The following HSPG2 variants were observed in gnomAD, a reference collection of about 807,000 sequenced individuals.
HSPG2 encodes the protein basement membrane-specific heparan sulfate proteoglycan core protein.
Under a neutral mutation model 526.6 loss-of-function variants are expected in HSPG2, and 278 were observed. The ratio of observed to expected loss-of-function variants is 0.53; its 90% CI spans 0.48 to 0.58. HSPG2 has a LOEUF of 0.58. HSPG2 is among the 20% of genes least tolerant of loss of function. The pLI is 0.00. For synonymous variants in HSPG2, 2,465 were observed against 2,555.4 expected, an observed-to-expected ratio of 0.96 and a Z score of 1.07; for missense variants, 5,354 against 6,099.5, an observed-to-expected ratio of 0.88 and a Z score of 4.07.
chr1:21,889,755 T>G, intron 6 of HSPG2: 1 of 599,094 alleles, frequency 1.7e-6, no homozygotes, highest in Non-Finnish European at 3.1e-6. Flanking sequence ...TGTGCAGAGG[T>G]CTAGAAGGAA....
Position 21,900,381 on chromosome 1 carries a change from G to A in HSPG2, c.64-4071C>T, listed in dbSNP as rs534758072. ...AGTGGGCAGGCATTCCTTGAACACT[G>A]GCAGGACTGTGGGCGAGGGCTTCTG... is the stretch of plus-strand genomic sequence containing the variant. On this transcript the variant is annotated intron_variant, in intron 1 of 96. Coordinates refer to ENST00000374695, the MANE Select transcript of HSPG2 (RefSeq NM_005529.7). Among the ~76,000 whole-genome samples the A allele has an allele frequency of 5.3e-5, 8 of 152,294 alleles. No individual in the cohort carries two copies. In the South Asian group the frequency reaches 1.7e-3, roughly 32 times the overall value.
In HSPG2 at chr1:21,864,789, C is replaced by T; in HGVS notation, c.4626+54G>A. ...GGCTGCGGCGACGCCGGCTGATTTG[C>T]TTGCTGATGCCTCTGTGCCTGTGCA... is the stretch of plus-strand genomic sequence containing the variant. On this transcript the variant is annotated intron_variant, in intron 36 of 96. Transcript: ENST00000374695. The surrounding 1 kb of genome is among the most constrained non-coding windows in gnomAD (Gnocchi z 4.8). 2.0e-6 allele frequency: 3 copies of T among 1,474,304 alleles called. No individual in the cohort carries two copies. Among genetic ancestry groups the T allele is most frequent in the Non-Finnish European group, 2.8e-6 (3 of 1,069,950 alleles). The allele number at this position is 1,474,304 out of a possible 1,614,324, so 91.3% of individuals were successfully genotyped here.
chr1:21,866,453 G>T (rs1213898966), intron 33 of HSPG2, among the ~76,000 whole-genome samples: 1 of 152,272 alleles, frequency 6.6e-6, no homozygotes, highest in South Asian at 2.1e-4. Context: ...CAAGTAACCC[G>T]TGCACTTATG....
intron 76 of HSPG2, 149 bp downstream of exon 76, chr1:21,835,391 C>T: frequency 2.9e-6 from 2 of 689,726 alleles, no homozygotes; most frequent in Non-Finnish European, 5.3e-6. Context: ...TTACTCTATG[C>T]TAGACACAAG....
chr1:21,837,216 G>A (rs139822035), intron 74 of HSPG2, among the ~76,000 whole-genome samples: 3 of 152,326 alleles, frequency 2.0e-5, no homozygotes, highest in South Asian at 2.1e-4. Context: ...CCTGTGGAGC[G>A]CTGGGCTCTG....
At chr1:21,913,689 C>G (rs1396692532) in intron 1 of HSPG2, among the ~76,000 whole-genome samples, 10 of 152,232 alleles carry the variant, frequency 6.6e-5, no homozygotes, top group African/African-American at 2.4e-4. Context: ...GTGTGCTGGG[C>G]ACAGGGAAGG....
rs769350557 is a variant in HSPG2, at chr1:21,890,586, G to A, written c.353C>T (p.Thr118Met). ...FREVSEAVVDTLESEYLKIPG... is the reference protein window; with the variant it reads ...FREVSEAVVDMLESEYLKIPG... ...CTTCCCAAACCCCCTTCACCTCACC[G>A]TGTCTACCACAGCCTCGGACACCTC... The change falls in exon 4 of 97, where the codon ACG (threonine) becomes ATG (methionine). Residue 118 changes from threonine to methionine, a missense_variant and splice_region_variant. Thr to Met is a moderately conservative substitution (Grantham distance 81). Coordinates refer to ENST00000374695, the MANE Select transcript of HSPG2 (RefSeq NM_005529.7). The surrounding 1 kb of genome is among the most constrained non-coding windows in gnomAD (Gnocchi z 4.1). 33 of 1,611,628 alleles carry A rather than the reference G, an allele frequency of 2.0e-5. No homozygotes were observed. Among genetic ancestry groups the A allele is most frequent in the East Asian group, 8.9e-5 (4 of 44,882 alleles).
In HSPG2 at chr1:21,848,799, G is replaced by C. The variant is rs372612305; in HGVS notation, c.7586-5C>G. 3.1e-5 allele frequency: 50 copies of C among 1,613,638 alleles called. 1 individual carries two copies. The South Asian group carries it at 4.0e-4, about 13-fold the overall frequency. On this transcript the variant is annotated splice_region_variant and splice_polypyrimidine_tract_variant and intron_variant, in intron 58 of 96. Coordinates refer to ENST00000374695, the MANE Select transcript of HSPG2 (RefSeq NM_005529.7). The surrounding 1 kb of genome is among the most constrained non-coding windows in gnomAD (Gnocchi z 4.9). ...CGGGGTACGCCACACCCTGGGCTGG[G>C]AGGGTGAGATGTAAGGCAGGGTGTG...
chr1:21,868,330 G>T (rs1640397404), intron 33 of HSPG2, among the ~76,000 whole-genome samples: 1 of 152,106 alleles, frequency 6.6e-6, no homozygotes. Flanking sequence ...GAGCCACCAC[G>T]CCCAGCCTGC....
At chr1:21,842,707 C>A in intron 67 of HSPG2, 63 bp downstream of exon 67, 1 of 1,605,280 alleles carries the variant, frequency 6.2e-7, no homozygotes, top group South Asian at 1.1e-5. Context: ...GGTTTGGGTA[C>A]AGAAAGCAAC....
intron 82 of HSPG2, 24 bp downstream of exon 82, chr1:21,831,628 T>C (rs1425044523): frequency 6.2e-7 from 1 of 1,611,350 alleles, no homozygotes; most frequent in African/African-American, 1.3e-5. Flanking sequence ...GGGCTGGAAG[T>C]AGCAGTATGG....
chr1:21,855,214 T>C, intron 47 of HSPG2, 90 bp downstream of exon 47: 1 of 1,450,672 alleles, frequency 6.9e-7, no homozygotes, highest in Non-Finnish European at 9.2e-7. Flanking sequence ...GAGGAGGAGG[T>C]GGGGTGGGGC....
In HSPG2 at chr1:21,856,964, G is replaced by T. The variant is rs148431455; in HGVS notation, c.5575+51C>A. The T allele has an allele frequency of 5.4e-5, 84 of 1,557,136 alleles. No individual in the cohort carries two copies. In the African/African-American group the frequency reaches 1.1e-3, roughly 20 times the overall value. On this transcript the variant is annotated intron_variant, in intron 44 of 96. Coordinates refer to ENST00000374695, the MANE Select transcript of HSPG2 (RefSeq NM_005529.7). ...AAGAAATGCTGTGCTAATTCTGGTG[G>T]GAATGGGGGAGAGACAGGAGGGGAG...
chr1:21,913,201 A>C (rs1445359497), intron 1 of HSPG2, among the ~76,000 whole-genome samples: 6 of 152,062 alleles, frequency 3.9e-5, no homozygotes, highest in Admixed American at 3.9e-4. Context: ...GGCTACACAG[A>C]TGAGGCCTCT....
At chr1:21,846,685 C>T (rs192957371) in intron 62 of HSPG2, 86 bp from the exon 63 acceptor site, 55 of 1,473,172 alleles carry the variant, frequency 3.7e-5, no homozygotes, top group African/African-American at 2.9e-4. Context: ...TAGAAAATCT[C>T]ACCCCCCAGA....
chr1:21,848,878 C>T lies in HSPG2; in HGVS notation c.7585+15G>A. 6.2e-7 allele frequency: 1 copy of T among 1,613,526 alleles called. No homozygotes were observed. Among genetic ancestry groups the T allele is most frequent in the East Asian group, 2.2e-5 (1 of 44,872 alleles). On this transcript the variant is annotated intron_variant, in intron 58 of 96. Transcript: ENST00000374695. The surrounding 1 kb of genome is among the most constrained non-coding windows in gnomAD (Gnocchi z 4.9). ...CCCAGCCCTCCACCATTTGCATGAC[C>T]CCCGAGACACTCACAGTGGGAGCCA...
At chr1:21,933,712 C>A (rs1644407993) in intron 1 of HSPG2, among the ~76,000 whole-genome samples, 1 of 152,242 alleles carries the variant, frequency 6.6e-6, no homozygotes, top group African/African-American at 2.4e-5. Context: ...CCATCTCTGC[C>A]CCTTCCAGCT....
intron 17 of HSPG2, among the ~76,000 whole-genome samples, chr1:21,879,612 G>C (rs913682999): frequency 6.6e-6 from 1 of 151,904 alleles, no homozygotes; most frequent in Non-Finnish European, 1.5e-5. Context: ...TGAGGGTGGA[G>C]AGGAGGGCCA....
Position 21,858,532 on chromosome 1 carries a change from A to C in HSPG2, c.5293+1034T>G, listed in dbSNP as rs1639522159. Among the ~76,000 whole-genome samples the C allele has an allele frequency of 6.6e-6, 1 of 152,098 alleles. No individual in the cohort carries two copies. Among genetic ancestry groups the C allele is most frequent in the Admixed American group, 6.5e-5 (1 of 15,268 alleles). On this transcript the variant is annotated intron_variant, in intron 42 of 96. Transcript: ENST00000374695. The surrounding 1 kb of genome is among the most constrained non-coding windows in gnomAD (Gnocchi z 4.2). ...GCTGGGGCCTCTTACTGGAGTTCAG[A>C]CTCACATACCCAAATGCCTGCCTGG...
Sources: gnomAD v4.1 joint callset for allele counts (sites outside exome capture counted in the v4.1 genomes callset) on GRCh38, gnomAD v4.1.1 for gene constraint, Gnocchi (gnomAD v3.1) non-coding constraint, MANE v1.5 for transcripts, NCBI Gene and HGNC (gene_info 2026-07-23, HGNC 2026-07-21) for gene names.